The following MGAT4C variants were observed in gnomAD, a reference collection of about 807,000 sequenced individuals.
MGAT4C encodes alpha-1,3-mannosyl-glycoprotein 4-beta-N-acetylglucosaminyltransferase C.
A neutral mutation model predicts 40.1 loss-of-function variants in MGAT4C; 19 were observed. The ratio of observed to expected loss-of-function variants is 0.47; its 90% CI spans 0.33 to 0.70. MGAT4C has a LOEUF of 0.70. Ranked by LOEUF, MGAT4C falls within the 30% of genes least tolerant of loss-of-function variation. The pLI, the probability that MGAT4C is intolerant of heterozygous loss-of-function variation, is 0.02. For missense variants in MGAT4C, 491 were observed against 563.2 expected (o/e 0.87, Z 1.30); for synonymous variants, 181 against 187.1 (o/e 0.97, Z 0.27).
At chr12:86,708,981 GA>G (rs1175540465) in intron 2 of MGAT4C, among the ~76,000 whole-genome samples, 6 of 152,138 alleles carry the variant, frequency 3.9e-5, no homozygotes, top group Non-Finnish European at 8.8e-5. Context: ...AAGATTTGGG[GA>G]ACTGTTGGGA....
intron 2 of MGAT4C, among the ~76,000 whole-genome samples, chr12:86,674,388 T>C (rs192204271): frequency 2.4e-4 from 36 of 152,268 alleles, no homozygotes; most frequent in East Asian, 2.3e-3. Context: ...CACCATAAGA[T>C]AGTTTTTCAG....
At chr12:85,989,285 G>T in intron 3 of MGAT4C, 115 bp downstream of exon 3, 1 of 882,942 alleles carries the variant, frequency 1.1e-6, no homozygotes, top group Non-Finnish European at 1.6e-6. Context: ...TTATAATTTT[G>T]CTCAAACTAA....
At chr12:86,412,596 T>C (rs182360878) in intron 3 of MGAT4C, among the ~76,000 whole-genome samples, 1 of 152,278 alleles carries the variant, frequency 6.6e-6, no homozygotes, top group East Asian at 1.9e-4. Flanking sequence ...TGGAAGTAAC[T>C]AAATTATTTT....
chr12:86,566,317 G>C lies in MGAT4C; in HGVS notation c.-228-131052C>G, dbSNP rs932424819. On this transcript the variant is annotated intron_variant, in intron 2 of 7. Transcript: ENST00000548651. Reference sequence around the variant, plus strand: ...CTAATCCGCTGCCAGCACAGCTAGAGTATAAAAGCAAGCAGCAAAATATGA... The same window carrying C: ...CTAATCCGCTGCCAGCACAGCTAGACTATAAAAGCAAGCAGCAAAATATGA... Among the ~76,000 whole-genome samples the C allele has an allele frequency of 4.0e-5, 6 of 151,458 alleles. No homozygotes were observed. The Admixed American group carries it at 4.0e-4, about 10-fold the overall frequency.
At chr12:86,196,534 T>C (rs181229852) in intron 1 of MGAT4C, among the ~76,000 whole-genome samples, 20 of 152,366 alleles carry the variant, frequency 1.3e-4, no homozygotes, top group African/African-American at 4.8e-4. Context: ...GCAACTGTGC[T>C]GCTCTCTGAA....
chr12:86,251,329 T>G (rs1433623683), intron 1 of MGAT4C, among the ~76,000 whole-genome samples: 1 of 151,894 alleles, frequency 6.6e-6, no homozygotes, highest in Non-Finnish European at 1.5e-5. Flanking sequence ...GAAATGCAAA[T>G]GAATGTATCC....
At chr12:86,526,100 G>C (rs1240018719) in intron 2 of MGAT4C, among the ~76,000 whole-genome samples, 1 of 152,214 alleles carries the variant, frequency 6.6e-6, no homozygotes, top group Non-Finnish European at 1.5e-5. Context: ...TGTGCATGGA[G>C]TCAGGTGGTG....
chr12:86,713,734 T>C (rs1312337390), intron 2 of MGAT4C, among the ~76,000 whole-genome samples: 1 of 152,104 alleles, frequency 6.6e-6, no homozygotes, highest in Non-Finnish European at 1.5e-5. Flanking sequence ...CATTGATATC[T>C]CTATTTTAAG....
At chr12:86,180,736 C>T (rs1483768324) in intron 1 of MGAT4C, among the ~76,000 whole-genome samples, 1 of 152,154 alleles carries the variant, frequency 6.6e-6, no homozygotes, top group Non-Finnish European at 1.5e-5. Context: ...GTACTCAATA[C>T]CTGTACCCCC....
intron 3 of MGAT4C, among the ~76,000 whole-genome samples, chr12:86,363,108 C>T (rs553198128): frequency 1.3e-5 from 2 of 151,950 alleles, no homozygotes; most frequent in South Asian, 4.2e-4. Context: ...ACCTATTTAT[C>T]TTAATTAATA....
chr12:86,414,898 T>C (rs943677201), intron 3 of MGAT4C, among the ~76,000 whole-genome samples: 6 of 152,212 alleles, frequency 3.9e-5, no homozygotes, highest in East Asian at 1.9e-4. Context: ...TATAGACCAA[T>C]GTCCTTTCTC....
At chr12:86,414,997 C>T (rs1488331487) in intron 3 of MGAT4C, among the ~76,000 whole-genome samples, 2 of 152,028 alleles carry the variant, frequency 1.3e-5, no homozygotes, top group Admixed American at 1.3e-4. Context: ...TGGAAAGATG[C>T]ATCTTGAGTT....
At chr12:86,573,416 G>C (rs1593000601) in intron 2 of MGAT4C, among the ~76,000 whole-genome samples, 1 of 151,932 alleles carries the variant, frequency 6.6e-6, no homozygotes, top group Non-Finnish European at 1.5e-5. Context: ...TGTTATAAAA[G>C]AGAAAGAAAT....
chr12:86,723,655 T>C (rs1162645048), intron 2 of MGAT4C, among the ~76,000 whole-genome samples: 2 of 152,192 alleles, frequency 1.3e-5, no homozygotes, highest in Non-Finnish European at 2.9e-5. Flanking sequence ...AAGGCACTAT[T>C]TCCAAATAAG....
At chr12:86,417,504 A>T (rs1490501577) in intron 3 of MGAT4C, among the ~76,000 whole-genome samples, 6 of 152,174 alleles carry the variant, frequency 3.9e-5, no homozygotes, top group Non-Finnish European at 8.8e-5. Flanking sequence ...CTGCTTTAGT[A>T]TTAGTAATTT....
At chr12:86,364,564 T>C (rs1326927844) in intron 3 of MGAT4C, among the ~76,000 whole-genome samples, 1 of 152,186 alleles carries the variant, frequency 6.6e-6, no homozygotes, top group African/African-American at 2.4e-5. Context: ...ATCCTCTCCC[T>C]ATCGGGGGAA....
intron 2 of MGAT4C, among the ~76,000 whole-genome samples, chr12:86,651,913 A>C (rs1361563913): frequency 6.6e-6 from 1 of 151,882 alleles, no homozygotes; most frequent in Non-Finnish European, 1.5e-5. Context: ...AAATCAAGTC[A>C]AATTTACAAG....
intron 1 of MGAT4C, among the ~76,000 whole-genome samples, chr12:86,762,156 T>C (rs1951418790): frequency 6.6e-6 from 1 of 151,854 alleles, no homozygotes. Flanking sequence ...GACTTAAGCA[T>C]TCCTCCCACT....
At chr12:86,510,374 C>T (rs1043241966) in intron 2 of MGAT4C, among the ~76,000 whole-genome samples, 14 of 152,064 alleles carry the variant, frequency 9.2e-5, no homozygotes, top group African/African-American at 2.9e-4. Context: ...CGGTACTAGC[C>T]ACTGCAAAAA....
Sources: allele counts gnomAD v4.1 joint callset (sites outside exome capture counted in the v4.1 genomes callset), GRCh38; gene constraint gnomAD v4.1.1; transcripts MANE v1.5; gene names NCBI Gene and HGNC (gene_info 2026-07-23, HGNC 2026-07-21).